ARIH1: variants seen among roughly 807,000 people sequenced by gnomAD.
The protein encoded by ARIH1 is ariadne RBR E3 ubiquitin protein ligase 1, also known as E3 ubiquitin-protein ligase ARIH1.
Under a neutral mutation model 85.0 loss-of-function variants are expected in ARIH1, and 8 were observed. That is an observed-to-expected ratio of 0.09 (90% CI 0.06 to 0.17). The LOEUF is 0.17. ARIH1 is among the 10% of genes least tolerant of loss of function. The pLI is 1.00. For missense variants in ARIH1, 311 were observed against 718.1 expected, an observed-to-expected ratio of 0.43 and a Z score of 6.48; for synonymous variants, 238 against 253.6, an observed-to-expected ratio of 0.94 and a Z score of 0.59.
Position 72,587,182 on chromosome 15 carries a change from A to G in ARIH1, c.*3890A>G, listed in dbSNP as rs747020218. ...GGAAGATAAGGCTCACTGAGGTTAA[A>G]TAACTCCCTCAATTTTTCATTTCCT... is the stretch of plus-strand genomic sequence containing the variant. On this transcript the variant is annotated 3_prime_UTR_variant, in exon 14 of 14. Transcript: ENST00000379887. The G allele has an allele frequency of 2.2e-5, 11 of 504,180 alleles. No individual in the cohort carries two copies. The highest frequency in any genetic ancestry group is 1.5e-4 in the Admixed American group (7 of 48,238). The allele number at this position is 504,180 out of a possible 1,614,324, so 31.2% of individuals were successfully genotyped here. A position where few individuals can be genotyped will look rare whatever the true frequency, so the allele number is the denominator to read the frequency against.
intron 1 of ARIH1, among the ~76,000 whole-genome samples, chr15:72,498,363 T>C (rs1048319144): frequency 2.1e-4 from 32 of 152,256 alleles, no homozygotes; most frequent in African/African-American, 7.7e-4. Flanking sequence ...AAAAATTGTA[T>C]GGTATTTTCT....
At chr15:72,496,161 A>G (rs1178424053) in intron 1 of ARIH1, among the ~76,000 whole-genome samples, 1 of 152,114 alleles carries the variant, frequency 6.6e-6, no homozygotes, top group Non-Finnish European at 1.5e-5. Flanking sequence ...ACTTCAGCCT[A>G]CCAAAGTGTT....
chr15:72,515,509 C>T (rs957663481), intron 1 of ARIH1, among the ~76,000 whole-genome samples: 3 of 152,200 alleles, frequency 2.0e-5, no homozygotes, highest in South Asian at 4.2e-4. Context: ...GATTCTATCG[C>T]GGACATTTTG....
chr15:72,514,835 C>T (rs2063967515), intron 1 of ARIH1, among the ~76,000 whole-genome samples: 1 of 151,614 alleles, frequency 6.6e-6, no homozygotes, highest in African/African-American at 2.4e-5. Context: ...ACCCTCTCTA[C>T]TAAAAATAAA....
In ARIH1 at chr15:72,588,953, A is replaced by G. The variant is rs1162931397; in HGVS notation, c.*5661A>G. 6.6e-6 allele frequency: 1 copy of G among 152,222 alleles called. No individual in the cohort carries two copies. Among genetic ancestry groups the G allele is most frequent in the Non-Finnish European group, 1.5e-5 (1 of 68,034 alleles). The allele number at this position is 152,222 out of a possible 1,614,324, so 9.4% of individuals were successfully genotyped here. On this transcript the variant is annotated 3_prime_UTR_variant, in exon 14 of 14. Coordinates refer to ENST00000379887, the MANE Select transcript of ARIH1 (RefSeq NM_005744.5). Reference sequence around the variant, plus strand: ...AGTCTGCACAATTCCACGAGCACTTAAGAGTTTACAAGTTTCTCATGTCTA... The same window carrying G: ...AGTCTGCACAATTCCACGAGCACTTGAGAGTTTACAAGTTTCTCATGTCTA...
chr15:72,521,746 A>G (rs544765119), intron 2 of ARIH1, among the ~76,000 whole-genome samples: 1 of 152,020 alleles, frequency 6.6e-6, no homozygotes, highest in East Asian at 1.9e-4. Flanking sequence ...AGAGGGTTTC[A>G]CCATGTTGGC....
At chr15:72,533,064 T>C (rs2064064963) in intron 2 of ARIH1, among the ~76,000 whole-genome samples, 1 of 152,212 alleles carries the variant, frequency 6.6e-6, no homozygotes, top group Non-Finnish European at 1.5e-5. Flanking sequence ...GAAATGATTC[T>C]AGCCAGTAGA....
At chr15:72,513,029 A>G (rs1267776927) in intron 1 of ARIH1, among the ~76,000 whole-genome samples, 4 of 151,856 alleles carry the variant, frequency 2.6e-5, no homozygotes, top group African/African-American at 9.7e-5. Context: ...TTTTACTTTT[A>G]ATCTGTATAT....
At chr15:72,475,308 G>A in intron 1 of ARIH1, 1 of 475,132 alleles carries the variant, frequency 2.1e-6, no homozygotes, top group Non-Finnish European at 3.5e-6. Context: ...TCCCTGGGCC[G>A]GGTGTCCTTT....
chr15:72,532,897 A>G lies in ARIH1; in HGVS notation c.444-11923A>G, dbSNP rs532490851. 3.9e-5 allele frequency among the ~76,000 whole-genome samples: 6 copies of G among 152,368 alleles called. No homozygotes were observed. The South Asian group carries it at 6.2e-4, about 16-fold the overall frequency. On this transcript the variant is annotated intron_variant, in intron 2 of 13. Transcript: ENST00000379887. The stretch of plus-strand genomic sequence containing the variant: ...TGCTTCATGATTTTAAAAAGAAGCT[A>G]TTAGCAATCTAGAACTTTGTTAACC...
At chr15:72,532,119 TAATAA>T (rs2064059832) in intron 2 of ARIH1, among the ~76,000 whole-genome samples, 2 of 147,786 alleles carry the variant, frequency 1.4e-5, no homozygotes, top group Admixed American at 1.3e-4. Context: ...GAACAGAATA[TAATAA>T]AATAGAAAAC....
chr15:72,574,562 T>C (rs997255607), intron 11 of ARIH1, among the ~76,000 whole-genome samples: 1 of 152,250 alleles, frequency 6.6e-6, no homozygotes, highest in Non-Finnish European at 1.5e-5. Context: ...TGTTGACTCA[T>C]TATATTGTAC....
intron 3 of ARIH1, among the ~76,000 whole-genome samples, chr15:72,550,366 TG>T (rs1253465078): frequency 6.6e-6 from 1 of 152,222 alleles, no homozygotes; most frequent in Non-Finnish European, 1.5e-5. Flanking sequence ...TTGTGACCGT[TG>T]ATCTCTGTTA....
At position 72,582,242 on chromosome 15, in the gene ARIH1, G is replaced by T; in HGVS notation, c.1589+55G>T. The T allele has an allele frequency of 8.0e-7, 1 of 1,256,406 alleles. No homozygotes were observed. Among genetic ancestry groups the T allele is most frequent in the Non-Finnish European group, 1.1e-6 (1 of 872,610 alleles). 77.8% of individuals were successfully genotyped at this position (1,256,406 alleles called of 1,614,324 possible). A position where few individuals can be genotyped will look rare whatever the true frequency, so the allele number is the denominator to read the frequency against. ...CTTTCTGCCAGTGATGATCCTTACTGGTAAAGTTCAGTGATAGTGAAACTG... is the reference window on the plus strand; with the variant it reads ...CTTTCTGCCAGTGATGATCCTTACTTGTAAAGTTCAGTGATAGTGAAACTG... On this transcript the variant is annotated intron_variant, in intron 13 of 13. Transcript: ENST00000379887. The surrounding 1 kb of genome is among the most constrained non-coding windows in gnomAD (Gnocchi z 4.6).
chr15:72,570,776 T>C (rs1458327883), intron 10 of ARIH1, among the ~76,000 whole-genome samples: 1 of 152,224 alleles, frequency 6.6e-6, no homozygotes, highest in Non-Finnish European at 1.5e-5. Flanking sequence ...ATATTTTTTC[T>C]TTAAATAAGC....
chr15:72,495,986 C>T (rs767255496), intron 1 of ARIH1, among the ~76,000 whole-genome samples: 1 of 152,148 alleles, frequency 6.6e-6, no homozygotes, highest in Non-Finnish European at 1.5e-5. Flanking sequence ...TCACAGCTCA[C>T]CGCAGCCTTC....
Position 72,503,408 on chromosome 15 carries a change from A to G in ARIH1, c.376-14659A>G, listed in dbSNP as rs920156098. On this transcript the variant is annotated intron_variant, in intron 1 of 13. Transcript: ENST00000379887. ...TGTGACAGTGGCAACTTCCTGATTC[A>G]AGCTTTCCAATCCTTGGATCACAGT... 7.2e-5 allele frequency among the ~76,000 whole-genome samples: 11 copies of G among 152,324 alleles called. No homozygotes were observed. The East Asian group carries it at 1.4e-3, about 19-fold the overall frequency.
In ARIH1 at chr15:72,597,111, T is replaced by C. The variant is rs993952652; in HGVS notation, c.*13819T>C. ...TTGATTGGATGATGGACGTTTTATG[T>C]TGAAAAAAAAAAGAAATTGAAGAAA... On this transcript the variant is annotated 3_prime_UTR_variant, in exon 14 of 14. Coordinates refer to ENST00000379887, the MANE Select transcript of ARIH1 (RefSeq NM_005744.5). The C allele has an allele frequency of 2.7e-5, 4 of 149,450 alleles. No individual in the cohort carries two copies. Among genetic ancestry groups the C allele is most frequent in the African/African-American group, 9.7e-5 (4 of 41,168 alleles). 9.3% of individuals were successfully genotyped at this position (149,450 alleles called of 1,614,324 possible).
chr15:72,517,494 GGCTCACT>G (rs2063980483), intron 1 of ARIH1, among the ~76,000 whole-genome samples: 1 of 151,420 alleles, frequency 6.6e-6, no homozygotes, highest in African/African-American at 2.4e-5. Context: ...GTGGGATCTT[GGCTCACT>G]GCAACCTCCA....
Sources: gnomAD v4.1 joint callset for allele counts (sites outside exome capture counted in the v4.1 genomes callset) on GRCh38, gnomAD v4.1.1 for gene constraint, Gnocchi (gnomAD v3.1) non-coding constraint, MANE v1.5 for transcripts, NCBI Gene and HGNC (gene_info 2026-07-23, HGNC 2026-07-21) for gene names.